Variants in USP9X observed in about 807,000 individuals in gnomAD.
USP9X encodes ubiquitin specific peptidase 9 X-linked.
A neutral mutation model predicts 190.3 loss-of-function variants in USP9X; 7 were observed. That is an observed-to-expected ratio of 0.04 (90% CI 0.02 to 0.07). The LOEUF is 0.07. Ranked by LOEUF, USP9X falls within the 10% of genes least tolerant of loss-of-function variation. USP9X has a pLI of 1.00. For missense variants in USP9X, 1,010 were observed against 1,916.9 expected (o/e 0.53, Z 8.83); for synonymous variants, 645 against 659.5 (o/e 0.98, Z 0.34).
At chrX:41,211,073 C>A (rs1328090963) in intron 33 of USP9X, among the ~76,000 whole-genome samples, 5 of 110,706 alleles carry the variant, frequency 4.5e-5, no homozygotes, top group African/African-American at 1.6e-4. Flanking sequence ...CTCATAGTAA[C>A]TTTGAACTTG....
In USP9X at chrX:41,154,295, A is replaced by G. The variant is rs952580598; in HGVS notation, c.1897+1214A>G. 9.9e-5 allele frequency among the ~76,000 whole-genome samples: 11 copies of G among 111,216 alleles called. No homozygotes were observed. The Admixed American group carries it at 1.1e-3, about 11-fold the overall frequency. On this transcript the variant is annotated intron_variant, in intron 14 of 44. Coordinates refer to ENST00000378308, the MANE Select transcript of USP9X (RefSeq NM_001039591.3). ...ACCATGTGATTTATGTTCTATACCA[A>G]AGGTACTCAAAATCAGTGACATAAA...
At chrX:41,207,187 C>T (rs1389145504) in intron 32 of USP9X, among the ~76,000 whole-genome samples, 1 of 97,347 alleles carries the variant, frequency 1.0e-5, no homozygotes, top group Admixed American at 1.2e-4. Flanking sequence ...CTCCCAGGTT[C>T]AAGCAATTCT....
chrX:41,201,347 AAG>A (rs2063040077), intron 31 of USP9X, 67 bp downstream of exon 31: 1 of 1,016,203 alleles, frequency 9.8e-7, no homozygotes, highest in Non-Finnish European at 1.4e-6. Flanking sequence ...ATTCTCTCTT[AAG>A]AGAGTGTTAT....
intron 33 of USP9X, among the ~76,000 whole-genome samples, chrX:41,214,241 A>G (rs764547987): frequency 1.5e-4 from 17 of 112,677 alleles, no homozygotes; most frequent in African/African-American, 5.5e-4. Flanking sequence ...TAGAAGCAGC[A>G]TCGTATACTA....
At chrX:41,170,807 A>G (rs979738651) in intron 20 of USP9X, among the ~76,000 whole-genome samples, 188 bp downstream of exon 20, 1 of 112,231 alleles carries the variant, frequency 8.9e-6, no homozygotes, top group Non-Finnish European at 1.9e-5. Context: ...TGGAATTTAA[A>G]ACATAATTTC....
At position 41,229,717 on chromosome X, in the gene USP9X, T is replaced by C. The variant is rs1441849041; in HGVS notation, c.7369T>C (p.Leu2457=). ...CAATGAAACGTCCAATGGTTATTTC[T>C]TGGAGAGATCACATAGTGCTAGGAT... ...QSNETSNGYF[L]ERSHSARMTL... Residue 2457 remains leucine, a synonymous_variant, in exon 43 of 45, where the codon TTG becomes CTG. Coordinates refer to ENST00000378308, the MANE Select transcript of USP9X (RefSeq NM_001039591.3). 2.5e-6 allele frequency: 3 copies of C among 1,210,342 alleles called. No homozygotes were observed. The highest frequency in any genetic ancestry group is 3.0e-5 in the East Asian group (1 of 33,810).
In USP9X at chrX:41,196,543, G is replaced by C. The variant is rs1202395638; in HGVS notation, c.4087-49G>C. ...TTAACTCTGGGTTTTTAAAAAAGTG[G>C]ATTTTGAGGATGGACGTGTAAATTG... On this transcript the variant is annotated intron_variant, in intron 27 of 44. Coordinates refer to ENST00000378308, the MANE Select transcript of USP9X (RefSeq NM_001039591.3). 2.5e-6 allele frequency: 3 copies of C among 1,187,195 alleles called. No individual in the cohort carries two copies. The East Asian group carries it at 8.9e-5, about 35-fold the overall frequency.
Position 41,184,160 on chromosome X carries a change from T to TG in USP9X, c.3279+32_3279+33insG. Reference sequence around the variant, plus strand: ...TTTTGGGGTTTTTTGTTGTTGTTGTTTTCTTTGTTTTTCCTTTTAAATTTA... The same window carrying TG: ...TTTTGGGGTTTTTTGTTGTTGTTGTTGTTCTTTGTTTTTCCTTTTAAATTTA... On this transcript the variant is annotated intron_variant, in intron 22 of 44. Coordinates refer to ENST00000378308, the MANE Select transcript of USP9X (RefSeq NM_001039591.3). 6.0e-6 allele frequency: 7 copies of TG among 1,161,598 alleles called. No individual in the cohort carries two copies. The South Asian group carries it at 1.4e-4, about 23-fold the overall frequency.
intron 33 of USP9X, among the ~76,000 whole-genome samples, chrX:41,210,940 C>T (rs906917445): frequency 1.8e-5 from 2 of 109,943 alleles, no homozygotes; most frequent in African/African-American, 6.6e-5. Flanking sequence ...TCTCTTTCTT[C>T]CTTTCCTTTC....
intron 32 of USP9X, among the ~76,000 whole-genome samples, chrX:41,207,589 C>T (rs1269098089): frequency 9.0e-6 from 1 of 111,651 alleles, no homozygotes; most frequent in Non-Finnish European, 1.9e-5. Context: ...AAAATAACTA[C>T]AGTACAACCA....
chrX:41,203,034 A>G (rs930863977), intron 31 of USP9X, among the ~76,000 whole-genome samples: 5 of 111,423 alleles, frequency 4.5e-5, no homozygotes, highest in African/African-American at 1.6e-4. Context: ...GTCTATTTCT[A>G]TATCAGAGTT....
chrX:41,111,578 A>G, intron 1 of USP9X, among the ~76,000 whole-genome samples: 1 of 111,796 alleles, frequency 8.9e-6, no homozygotes, highest in South Asian at 3.7e-4. Context: ...CCTAGAGTCT[A>G]GGATGTGAGT....
intron 21 of USP9X, among the ~76,000 whole-genome samples, 190 bp from the exon 22 acceptor site, chrX:41,183,802 TTTTTTG>T (rs2062848789): frequency 9.2e-6 from 1 of 108,381 alleles, no homozygotes; most frequent in Non-Finnish European, 1.9e-5. Context: ...AAGAGCCCTG[TTTTTTG>T]TTTTTGTTTT....
chrX:41,111,566 C>T (rs1368378786), intron 1 of USP9X, among the ~76,000 whole-genome samples: 1 of 111,746 alleles, frequency 8.9e-6, no homozygotes, highest in Non-Finnish European at 1.9e-5. Flanking sequence ...GGGTAGCTGG[C>T]TCCTAGAGTC....
At chrX:41,167,337 C>G in intron 16 of USP9X, 145 bp from the exon 17 acceptor site, 1 of 430,575 alleles carries the variant, frequency 2.3e-6, no homozygotes, top group African/African-American at 2.5e-5. Flanking sequence ...GTGCTTCTCA[C>G]TTAATTTTAC....
At position 41,136,666 on chromosome X, in the gene USP9X, TCA is replaced by T. The variant is rs2147034333; in HGVS notation, c.436-137_436-136del. ...CAAATTCTAATTTGTCCTTTGATAA[TCA>T]GTTTGATCCCAATATTAATGATTAG... On this transcript the variant is annotated intron_variant, in intron 5 of 44. Transcript: ENST00000378308. 8.5e-6 allele frequency: 4 copies of T among 469,828 alleles called. No homozygotes were observed. In the South Asian group the frequency reaches 1.5e-4, roughly 18 times the overall value. 38.7% of individuals were successfully genotyped at this position (469,828 alleles called of 1,213,427 possible).
intron 1 of USP9X, among the ~76,000 whole-genome samples, chrX:41,117,502 G>T (rs897365777): frequency 2.7e-5 from 3 of 109,675 alleles, no homozygotes; most frequent in Non-Finnish European, 5.7e-5. Flanking sequence ...AGGGAACAGT[G>T]AGTACTCTAT....
chrX:41,130,829 G>A (rs1408290056), intron 3 of USP9X, among the ~76,000 whole-genome samples: 4 of 110,209 alleles, frequency 3.6e-5, no homozygotes, highest in South Asian at 7.7e-4. Flanking sequence ...AGGTTCAAGC[G>A]ATTCTCCTGC....
At chrX:41,199,394 C>CG (rs2063020247) in intron 30 of USP9X, among the ~76,000 whole-genome samples, 1 of 110,918 alleles carries the variant, frequency 9.0e-6, no homozygotes, top group Non-Finnish European at 1.9e-5. Flanking sequence ...AGAGTATAGA[C>CG]GTAAAACTTT....
Sources: allele counts gnomAD v4.1 joint callset (sites outside exome capture counted in the v4.1 genomes callset), GRCh38; gene constraint gnomAD v4.1.1; transcripts MANE v1.5; gene names NCBI Gene and HGNC (gene_info 2026-07-23, HGNC 2026-07-21).